Variants in TMCO4 observed in about 807,000 individuals in gnomAD.
TMCO4 encodes the protein transmembrane and coiled-coil domain-containing protein 4.
A neutral mutation model predicts 64.7 loss-of-function variants in TMCO4; 58 were observed. The ratio of observed to expected loss-of-function variants is 0.90; its 90% CI spans 0.73 to 1.12. TMCO4 has a LOEUF of 1.12. Among genes scored for constraint, TMCO4 ranks in the 50% most tolerant of loss-of-function variants. The probability of loss-of-function intolerance (pLI) is 0.00; values close to 1 mark genes in which losing one functional copy is unlikely to be tolerated. For missense variants in TMCO4, 780 were observed against 825.9 expected (o/e 0.94, Z 0.68); for synonymous variants, 325 against 346.1 (o/e 0.94, Z 0.68).
At position 19,762,232 on chromosome 1, in the gene TMCO4, T is replaced by C. The variant is rs573576384; in HGVS notation, c.383-6466A>G. On this transcript the variant is annotated intron_variant, in intron 6 of 15. Coordinates refer to ENST00000294543, the MANE Select transcript of TMCO4 (RefSeq NM_181719.7). ...CGTTTGGCCAGCTGTGAATCCTATA[T>C]TTTATGCACATGGGGTATACATACA... Among the ~76,000 whole-genome samples, 3 of 152,324 alleles carry C rather than the reference T, an allele frequency of 2.0e-5. No individual in the cohort carries two copies. The East Asian group carries it at 5.8e-4, about 29-fold the overall frequency.
At chr1:19,736,093 A>C (rs756087298) in intron 13 of TMCO4, among the ~76,000 whole-genome samples, 1 of 152,298 alleles carries the variant, frequency 6.6e-6, no homozygotes, top group Non-Finnish European at 1.5e-5. Context: ...AACTCATAGA[A>C]TCGTGAGAAA....
chr1:19,721,832 C>A (rs936730213), intron 13 of TMCO4, among the ~76,000 whole-genome samples: 5 of 152,052 alleles, frequency 3.3e-5, no homozygotes, highest in African/African-American at 1.2e-4. Context: ...CACACACACA[C>A]ACACGTTTTG....
chr1:19,772,943 G>A (rs549931633), intron 4 of TMCO4, among the ~76,000 whole-genome samples: 8 of 152,166 alleles, frequency 5.3e-5, no homozygotes, highest in African/African-American at 7.2e-5. Context: ...TAATCCCAAC[G>A]CTTTGAGAAG....
chr1:19,700,586 C>T (rs1208186540), intron 14 of TMCO4, among the ~76,000 whole-genome samples, 182 bp downstream of exon 14: 2 of 152,184 alleles, frequency 1.3e-5, no homozygotes, highest in Non-Finnish European at 2.9e-5. Flanking sequence ...ACTGGAGGGC[C>T]GCTTCCCAGA....
At chr1:19,740,019 A>G (rs889196477) in intron 11 of TMCO4, 59 bp from the exon 12 acceptor site, 112 of 1,542,908 alleles carry the variant, frequency 7.3e-5, no homozygotes, top group Non-Finnish European at 9.5e-5. Context: ...CTACTAGGGA[A>G]GTGACTGGCT....
chr1:19,736,313 C>A (rs563859373), intron 13 of TMCO4, among the ~76,000 whole-genome samples: 1 of 152,146 alleles, frequency 6.6e-6, no homozygotes, highest in Non-Finnish European at 1.5e-5. Context: ...GGAAAACCCA[C>A]CCCCCTGATT....
intron 13 of TMCO4, among the ~76,000 whole-genome samples, chr1:19,711,621 T>A (rs981612503): frequency 6.6e-6 from 1 of 151,942 alleles, no homozygotes; most frequent in African/African-American, 2.4e-5. Context: ...CCTGAGAAGC[T>A]GGGATTACAG....
chr1:19,683,163 G>A lies in TMCO4; in HGVS notation c.1782C>T (p.Ala594=), dbSNP rs2095115952. ...VPVGLDQSEG[A]SLPAAASPER... ...CAGGGCTGGCAGCAGCAGGAAGGGA[G>A]GCCCCTTCAGACTGGTCCAGCCCTA... The change falls in exon 16 of 16, where the codon GCC becomes GCT. Residue 594 remains alanine (A), a synonymous_variant. Coordinates refer to ENST00000294543, the MANE Select transcript of TMCO4 (RefSeq NM_181719.7). 1 of 1,614,198 alleles carries A rather than the reference G, an allele frequency of 6.2e-7. No homozygotes were observed. The highest frequency in any genetic ancestry group is 1.3e-5 in the African/African-American group (1 of 75,076).
Position 19,683,165 on chromosome 1 carries a change from C to G in TMCO4, c.1780G>C (p.Ala594Pro), listed in dbSNP as rs1278982136. The G allele has an allele frequency of 1.9e-6, 3 of 1,614,168 alleles. No individual in the cohort carries two copies. The highest frequency in any genetic ancestry group is 3.3e-5 in the Admixed American group (2 of 60,028). Reference protein sequence around the residue: ...VPVGLDQSEGASLPAAASPER... With the variant: ...VPVGLDQSEGPSLPAAASPER... ...GGGCTGGCAGCAGCAGGAAGGGAGG[C>G]CCCTTCAGACTGGTCCAGCCCTACT... The change falls in exon 16 of 16, where the codon GCC becomes CCC. Residue 594 changes from alanine to proline, a missense_variant. Coordinates refer to ENST00000294543, the MANE Select transcript of TMCO4 (RefSeq NM_181719.7).
rs2042242450 is a variant in TMCO4 at position 19,756,057 on chromosome 1, G to A, written c.383-291C>T. 2.0e-5 allele frequency among the ~76,000 whole-genome samples: 3 copies of A among 152,172 alleles called. No individual in the cohort carries two copies. In the South Asian group the frequency reaches 6.2e-4, roughly 32 times the overall value. On this transcript the variant is annotated intron_variant, in intron 6 of 15. Coordinates refer to ENST00000294543, the MANE Select transcript of TMCO4 (RefSeq NM_181719.7). Reference sequence around the variant, plus strand: ...AGTCCAGGAGTTCAAGACCAGCCTGGGCAACACAGTGAGACCCCCTCACCT... The same window carrying A: ...AGTCCAGGAGTTCAAGACCAGCCTGAGCAACACAGTGAGACCCCCTCACCT...
chr1:19,740,626 CA>C, intron 11 of TMCO4, 150 bp downstream of exon 11: 4 of 842,570 alleles, frequency 4.7e-6, no homozygotes, highest in Non-Finnish European at 7.4e-6. Context: ...AAACTTCCCC[CA>C]GACAGGAATG....
intron 13 of TMCO4, among the ~76,000 whole-genome samples, chr1:19,716,258 C>T (rs905733400): frequency 6.6e-6 from 1 of 150,646 alleles, no homozygotes; most frequent in Non-Finnish European, 1.5e-5. Flanking sequence ...AATCTCTGCT[C>T]ACTGCAACCT....
At chr1:19,747,714 G>A (rs1476652176) in intron 7 of TMCO4, among the ~76,000 whole-genome samples, 1 of 152,150 alleles carries the variant, frequency 6.6e-6, no homozygotes, top group East Asian at 1.9e-4. Context: ...TCATTTTGAA[G>A]ATGGGAGACC....
At chr1:19,774,923 C>A (rs943412437) in intron 4 of TMCO4, among the ~76,000 whole-genome samples, 9 of 152,166 alleles carry the variant, frequency 5.9e-5, no homozygotes, top group Admixed American at 2.6e-4. Flanking sequence ...TGCATACCAG[C>A]TGCAGAGGTT....
chr1:19,788,932 A>T (rs2043882272), intron 2 of TMCO4, among the ~76,000 whole-genome samples: 1 of 152,052 alleles, frequency 6.6e-6, no homozygotes, highest in Non-Finnish European at 1.5e-5. Context: ...CAAATTAGCC[A>T]GGTGTGCTGG....
chr1:19,695,913 C>T (rs1023760974), intron 14 of TMCO4, among the ~76,000 whole-genome samples: 10 of 152,156 alleles, frequency 6.6e-5, no homozygotes, highest in African/African-American at 2.2e-4. Context: ...TGCCTCCTCC[C>T]TATGGCCAAC....
At chr1:19,694,318 G>T in intron 15 of TMCO4, 116 bp downstream of exon 15, 1 of 846,738 alleles carries the variant, frequency 1.2e-6, no homozygotes, top group Non-Finnish European at 1.9e-6. Context: ...AAATTCTTAT[G>T]ATCTTTCTCC....
At chr1:19,702,198 T>A (rs1314559753) in intron 13 of TMCO4, among the ~76,000 whole-genome samples, 1 of 149,896 alleles carries the variant, frequency 6.7e-6, no homozygotes, top group African/African-American at 2.5e-5. Context: ...CCTGATCTCC[T>A]GACCTCGTGA....
chr1:19,692,023 T>C (rs955308795), intron 15 of TMCO4, among the ~76,000 whole-genome samples: 3 of 152,172 alleles, frequency 2.0e-5, no homozygotes, highest in African/African-American at 7.2e-5. Context: ...CCACGTGAAA[T>C]TGAGTCCATT....
Sources: gnomAD v4.1 joint callset for allele counts (sites outside exome capture counted in the v4.1 genomes callset) on GRCh38, gnomAD v4.1.1 for gene constraint, MANE v1.5 for transcripts, NCBI Gene and HGNC (gene_info 2026-07-23, HGNC 2026-07-21) for gene names.